Variants in CCDC178 observed in about 807,000 individuals in gnomAD.
The protein encoded by CCDC178 is coiled-coil domain containing 178.
A neutral mutation model predicts 117.4 loss-of-function variants in CCDC178; 126 were observed. That is an observed-to-expected ratio of 1.07 (90% CI 0.93 to 1.24). CCDC178 has a LOEUF of 1.24. CCDC178 is among the 50% of genes most tolerant of loss of function. The pLI, the probability that CCDC178 is intolerant of heterozygous loss-of-function variation, is 0.00. For missense variants in CCDC178, 1,030 were observed against 986.9 expected (o/e 1.04, Z -0.59); for synonymous variants, 283 against 313.4 (o/e 0.90, Z 1.02).
chr18:33,380,842 CA>C (rs1388805620), intron 5 of CCDC178, among the ~76,000 whole-genome samples: 1 of 152,178 alleles, frequency 6.6e-6, no homozygotes, highest in Non-Finnish European at 1.5e-5. Flanking sequence ...GAAGAAAAAG[CA>C]ACAACTTTAT....
intron 20 of CCDC178, among the ~76,000 whole-genome samples, chr18:33,190,750 T>A (rs546122951): frequency 6.6e-6 from 1 of 152,330 alleles, no homozygotes; most frequent in South Asian, 2.1e-4. Flanking sequence ...AATAGAGGAT[T>A]ATCCTTCACA....
At chr18:33,101,678 A>G (rs943378921) in intron 20 of CCDC178, among the ~76,000 whole-genome samples, 1 of 151,964 alleles carries the variant, frequency 6.6e-6, no homozygotes, top group Non-Finnish European at 1.5e-5. Flanking sequence ...AGGAATTATG[A>G]ACTAACTTTA....
chr18:33,264,358 C>A (rs1450000049), intron 14 of CCDC178, among the ~76,000 whole-genome samples: 1 of 151,912 alleles, frequency 6.6e-6, no homozygotes. Flanking sequence ...GAGTTTTAAT[C>A]TTCTCTTCTT....
At chr18:33,359,798 G>A (rs533580981) in intron 6 of CCDC178, among the ~76,000 whole-genome samples, 6 of 151,364 alleles carry the variant, frequency 4.0e-5, no homozygotes, top group East Asian at 1.9e-4. Context: ...TGCCCGATTC[G>A]ATGTAGTTTA....
intron 20 of CCDC178, among the ~76,000 whole-genome samples, chr18:33,108,865 T>C (rs1375693505): frequency 5.3e-5 from 8 of 151,656 alleles, no homozygotes; most frequent in African/African-American, 1.9e-4. Flanking sequence ...AAAATAAAAC[T>C]TTAGTTAGAA....
At chr18:33,326,577 T>C (rs1324175054) in intron 10 of CCDC178, among the ~76,000 whole-genome samples, 2 of 152,190 alleles carry the variant, frequency 1.3e-5, no homozygotes. Flanking sequence ...CCTTAATTTA[T>C]ATTTTGGCTA....
At chr18:33,051,072 C>T (rs549830959) in intron 21 of CCDC178, among the ~76,000 whole-genome samples, 94 of 152,196 alleles carry the variant, frequency 6.2e-4, no homozygotes, top group Admixed American at 3.7e-3. Flanking sequence ...ACCACCTCGC[C>T]CAGCTAATTT....
intron 16 of CCDC178, 30 bp from the exon 17 acceptor site, chr18:33,224,966 C>A: frequency 6.9e-7 from 1 of 1,451,960 alleles, no homozygotes; most frequent in Non-Finnish European, 9.1e-7. Context: ...ATAAATCATT[C>A]AGTTATTAAC....
At chr18:33,022,757 A>G (rs2056148145) in intron 21 of CCDC178, among the ~76,000 whole-genome samples, 1 of 152,182 alleles carries the variant, frequency 6.6e-6, no homozygotes, top group East Asian at 1.9e-4. Flanking sequence ...CATTAAATGT[A>G]GATAGTCTAA....
chr18:33,309,705 T>C (rs1011851704), intron 11 of CCDC178, among the ~76,000 whole-genome samples: 2 of 152,110 alleles, frequency 1.3e-5, no homozygotes, highest in African/African-American at 2.4e-5. Context: ...TCTATAGTTC[T>C]GTAAGTTGTG....
intron 20 of CCDC178, among the ~76,000 whole-genome samples, chr18:33,209,878 T>C (rs983852565): frequency 1.3e-5 from 2 of 151,750 alleles, no homozygotes; most frequent in African/African-American, 4.8e-5. Context: ...CCATTTTCAC[T>C]AGAGTAGGAA....
chr18:32,938,282 G>A (rs1598703297), intron 22 of CCDC178, 191 bp from the exon 23 acceptor site: 2 of 506,402 alleles, frequency 3.9e-6, no homozygotes, highest in South Asian at 3.2e-5. Context: ...GATCTAGTAA[G>A]TTCTAAAAAT....
At chr18:33,386,497 T>C (rs1405271117) in intron 5 of CCDC178, among the ~76,000 whole-genome samples, 2 of 152,018 alleles carry the variant, frequency 1.3e-5, no homozygotes, top group Non-Finnish European at 2.9e-5. Flanking sequence ...AAACCAAATA[T>C]AGCAGCACAT....
chr18:33,206,922 C>G (rs1292274300), intron 20 of CCDC178, among the ~76,000 whole-genome samples: 3 of 152,162 alleles, frequency 2.0e-5, no homozygotes, highest in Non-Finnish European at 4.4e-5. Context: ...GTGATAAAAA[C>G]CTCTGATATA....
At chr18:33,042,503 A>C (rs919266974) in intron 21 of CCDC178, among the ~76,000 whole-genome samples, 1 of 151,956 alleles carries the variant, frequency 6.6e-6, no homozygotes, top group Non-Finnish European at 1.5e-5. Context: ...GTTCTGTATC[A>C]AATAGCCTAA....
intron 21 of CCDC178, among the ~76,000 whole-genome samples, chr18:33,016,264 T>C (rs972651572): frequency 2.0e-5 from 3 of 152,104 alleles, no homozygotes; most frequent in African/African-American, 7.2e-5. Flanking sequence ...ATTCTATATA[T>C]GGTTAAACTA....
At chr18:33,263,141 T>C (rs1450780646) in intron 14 of CCDC178, among the ~76,000 whole-genome samples, 2 of 152,206 alleles carry the variant, frequency 1.3e-5, no homozygotes, top group East Asian at 3.9e-4. Context: ...GAGAGATTTG[T>C]TCCAACTATA....
At chr18:32,986,327 T>C (rs1411331621) in intron 21 of CCDC178, among the ~76,000 whole-genome samples, 1 of 152,074 alleles carries the variant, frequency 6.6e-6, no homozygotes, top group East Asian at 1.9e-4. Flanking sequence ...TCTCTAAGCC[T>C]AGAGTAGAGC....
At chr18:33,235,782 G>A (rs1395899466) in intron 15 of CCDC178, among the ~76,000 whole-genome samples, 7 of 152,080 alleles carry the variant, frequency 4.6e-5, no homozygotes, top group Admixed American at 1.3e-4. Flanking sequence ...TTGCAATGTC[G>A]CATTCTTTAG....
Sources: gnomAD v4.1 joint callset for allele counts (sites outside exome capture counted in the v4.1 genomes callset) on GRCh38, gnomAD v4.1.1 for gene constraint, MANE v1.5 for transcripts, NCBI Gene and HGNC (gene_info 2026-07-23, HGNC 2026-07-21) for gene names.